The following CD9 variants were observed in gnomAD, a reference collection of about 807,000 sequenced individuals.
CD9 encodes CD9 molecule, also known as CD9 antigen.
In CD9, 10 loss-of-function variants were observed where a neutral mutation model predicts 31.4. The observed-to-expected ratio is 0.32, with a 90% CI of 0.20 to 0.54. The LOEUF (loss-of-function observed/expected upper bound fraction) is 0.54. CD9 is among the 20% of genes least tolerant of loss of function. The pLI is 0.94. For missense variants in CD9, 259 were observed against 300.1 expected (o/e 0.86, Z 1.01); for synonymous variants, 113 against 114.1 (o/e 0.99, Z 0.06).
In CD9 at chr12:6,237,976, GTTAC is replaced by G. The variant is rs1300422661; in HGVS notation, c.*151_*154del. On this transcript the variant is annotated 3_prime_UTR_variant, in exon 8 of 8. Coordinates refer to ENST00000009180, the MANE Select transcript of CD9 (RefSeq NM_001769.4). ...TCTGCATTGCTAGATAAAAGCTGAA[GTTAC>G]TTTATGTTTGTCTTTTAATGCTTCA... The G allele has an allele frequency of 1.8e-6, 1 of 558,612 alleles. No homozygotes were observed. The highest frequency in any genetic ancestry group is 3.2e-6 in the Non-Finnish European group (1 of 309,530). The allele number at this position is 558,612 out of a possible 1,614,324, so 34.6% of individuals were successfully genotyped here. A position where few individuals can be genotyped will look rare whatever the true frequency, so the allele number is the denominator to read the frequency against.
chr12:6,226,284 G>C (rs973181922), intron 2 of CD9: 12 of 152,164 alleles, frequency 7.9e-5, no homozygotes, highest in African/African-American at 2.9e-4. Context: ...AGGAGGGGGA[G>C]CCTGGTGCCT....
intron 1 of CD9, among the ~76,000 whole-genome samples, chr12:6,224,811 A>C (rs1271607283): frequency 6.6e-6 from 1 of 152,146 alleles, no homozygotes. Flanking sequence ...TTTACTGAGC[A>C]GCAGGTCTCC....
At chr12:6,235,819 G>T in intron 6 of CD9, 2 of 1,380,840 alleles carry the variant, frequency 1.4e-6, no homozygotes, top group Non-Finnish European at 1.9e-6. Flanking sequence ...GCTCTCAAGG[G>T]CAGGCGTGCT....
At chr12:6,226,118 T>C (rs1051401535) in intron 2 of CD9, among the ~76,000 whole-genome samples, 18 of 152,220 alleles carry the variant, frequency 1.2e-4, no homozygotes, top group African/African-American at 4.3e-4. Context: ...ACACGACTTT[T>C]GCTTTGGGAG....
chr12:6,202,408 C>T (rs1020383124), intron 1 of CD9, among the ~76,000 whole-genome samples: 1 of 152,240 alleles, frequency 6.6e-6, no homozygotes, highest in Non-Finnish European at 1.5e-5. Context: ...CAGCTGGCCT[C>T]ACCCACCCTT....
chr12:6,225,235 G>A (rs41279080), intron 1 of CD9, 191 bp from the exon 2 acceptor site: 79 of 570,616 alleles, frequency 1.4e-4, no homozygotes, highest in African/African-American at 1.1e-3. Flanking sequence ...TTTATTCCTC[G>A]CTTGCTGGTA....
upstream of CD9, chr12:6,200,273 C>G (rs1324937206): frequency 5.3e-6 from 1 of 189,948 alleles, no homozygotes; most frequent in African/African-American, 3.9e-5. Flanking sequence ...CCGGGCGGGG[C>G]CGGTGGGGCG....
chr12:6,225,611 G>A, intron 2 of CD9, 77 bp downstream of exon 2: 1 of 890,194 alleles, frequency 1.1e-6, no homozygotes, highest in Non-Finnish European at 1.9e-6. Context: ...GCCCCATGTT[G>A]ACCCAGGGAC....
At chr12:6,234,336 G>C (rs1020313252) in intron 4 of CD9, 1 of 152,152 alleles carries the variant, frequency 6.6e-6, no homozygotes, top group African/African-American at 2.4e-5. Flanking sequence ...CTATTGTTTT[G>C]TTTTGTTCTT....
Position 6,229,654 on chromosome 12 carries a change from G to A in CD9, c.176-2978G>A, listed in dbSNP as rs544883163. Among the ~76,000 whole-genome samples the A allele has an allele frequency of 8.7e-4, 132 of 152,252 alleles. 1 individual carries two copies. The highest frequency in any genetic ancestry group is 3.0e-3 in the African/African-American group (123 of 41,530). ...GGATTTTGTTCTCCTTCACACAAACGGGCGTGGTGAGTGCTGTTTGCAGGA... is the reference window on the plus strand; with the variant it reads ...GGATTTTGTTCTCCTTCACACAAACAGGCGTGGTGAGTGCTGTTTGCAGGA... On this transcript the variant is annotated intron_variant, in intron 2 of 7. Transcript: ENST00000009180.
intron 1 of CD9, among the ~76,000 whole-genome samples, chr12:6,216,796 C>A (rs573129060): frequency 4.3e-4 from 65 of 152,198 alleles, no homozygotes; most frequent in Non-Finnish European, 8.5e-4. Context: ...CGCTGCCACC[C>A]AGCCGCCTTC....
rs559561223 is a variant in CD9 at position 6,214,813 on chromosome 12, C to T, written c.67-10613C>T. ...GCCCTGCTGCAGGTTGTGGGAGCCTCTCACGGGCCCACTGAGTCACCAGGG... is the reference window on the plus strand; with the variant it reads ...GCCCTGCTGCAGGTTGTGGGAGCCTTTCACGGGCCCACTGAGTCACCAGGG... On this transcript the variant is annotated intron_variant, in intron 1 of 7. Coordinates refer to ENST00000009180, the MANE Select transcript of CD9 (RefSeq NM_001769.4). 2.0e-5 allele frequency among the ~76,000 whole-genome samples: 3 copies of T among 152,252 alleles called. No individual in the cohort carries two copies. The South Asian group carries it at 6.2e-4, about 32-fold the overall frequency.
intron 1 of CD9, among the ~76,000 whole-genome samples, chr12:6,217,757 TGG>T (rs1461979213): frequency 6.6e-6 from 1 of 152,196 alleles, no homozygotes; most frequent in African/African-American, 2.4e-5. Context: ...CCCTCCTTCC[TGG>T]ACTCCATCCA....
At chr12:6,209,489 A>G (rs953007599) in intron 1 of CD9, among the ~76,000 whole-genome samples, 2 of 152,098 alleles carry the variant, frequency 1.3e-5, no homozygotes, top group African/African-American at 2.4e-5. Flanking sequence ...CCATGGTGCA[A>G]TGTAAACATC....
chr12:6,233,320 A>T (rs1205005913), intron 3 of CD9, 92 bp from the exon 4 acceptor site: 1 of 875,622 alleles, frequency 1.1e-6, no homozygotes, highest in Non-Finnish European at 1.9e-6. Context: ...GTTCCCAGGG[A>T]GTTGTCCTTC....
At position 6,238,083 on chromosome 12, in the gene CD9, T is replaced by G; in HGVS notation, c.*255T>G. 1 of 377,820 alleles carries G rather than the reference T, an allele frequency of 2.6e-6. No homozygotes were observed. Among genetic ancestry groups the G allele is most frequent in the South Asian group, 2.9e-5 (1 of 34,986 alleles). The allele number at this position is 377,820 out of a possible 1,614,324, so 23.4% of individuals were successfully genotyped here. A position where few individuals can be genotyped will look rare whatever the true frequency, so the allele number is the denominator to read the frequency against. The stretch of plus-strand genomic sequence containing the variant: ...ATTTTTTCAGTTGTTTGTTTTTGCT[T>G]GTTATATTAAGCAGAAATCCTGCAA... On this transcript the variant is annotated 3_prime_UTR_variant, in exon 8 of 8. Transcript: ENST00000009180.
intron 1 of CD9, among the ~76,000 whole-genome samples, chr12:6,202,068 T>TC (rs1331210481): frequency 6.6e-6 from 1 of 151,970 alleles, no homozygotes; most frequent in African/African-American, 2.4e-5. Context: ...ATGCACTTAT[T>TC]CCCCCTGGAG....
intron 1 of CD9, among the ~76,000 whole-genome samples, chr12:6,201,359 G>C (rs770897849): frequency 5.9e-5 from 9 of 152,256 alleles, no homozygotes; most frequent in Non-Finnish European, 1.3e-4. Context: ...AGTGGGATGA[G>C]TCCTGTGTGT....
chr12:6,211,026 T>C (rs755192155), intron 1 of CD9, among the ~76,000 whole-genome samples: 35 of 151,834 alleles, frequency 2.3e-4, no homozygotes, highest in South Asian at 8.3e-4. Flanking sequence ...TTAGTAGAGA[T>C]GGGGTTTCAC....
Sources: gnomAD v4.1 joint callset for allele counts (sites outside exome capture counted in the v4.1 genomes callset) on GRCh38, gnomAD v4.1.1 for gene constraint, MANE v1.5 for transcripts, NCBI Gene and HGNC (gene_info 2026-07-23, HGNC 2026-07-21) for gene names.